PARD3: variants seen among roughly 807,000 people sequenced by gnomAD.
PARD3 encodes par-3 family cell polarity regulator.
PARD3 carries 75 observed loss-of-function variants against 155.4 expected under a neutral mutation model. The ratio of observed to expected loss-of-function variants is 0.48; its 90% CI spans 0.40 to 0.58. The LOEUF is 0.58. PARD3 is among the 20% of genes least tolerant of loss of function. The pLI is 0.00. For missense variants in PARD3, 1,642 were observed against 1,721.7 expected (o/e 0.95, Z 0.82); for synonymous variants, 576 against 610.5 (o/e 0.94, Z 0.83).
chr10:34,601,645 T>C (rs965467453), intron 2 of PARD3, among the ~76,000 whole-genome samples: 9 of 152,180 alleles, frequency 5.9e-5, no homozygotes, highest in South Asian at 2.1e-4. Context: ...TGAGAACCAT[T>C]CAAGCTTGCC....
At chr10:34,350,316 C>T (rs1837912710) in intron 14 of PARD3, among the ~76,000 whole-genome samples, 1 of 152,134 alleles carries the variant, frequency 6.6e-6, no homozygotes, top group South Asian at 2.1e-4. Context: ...CCTGCTATCA[C>T]CCCCTTGCAG....
At chr10:34,722,360 C>T (rs1212008888) in intron 1 of PARD3, among the ~76,000 whole-genome samples, 1 of 152,084 alleles carries the variant, frequency 6.6e-6, no homozygotes, top group African/African-American at 2.4e-5. Flanking sequence ...CAGTGGTTAT[C>T]GCCTGTACAG....
chr10:34,356,285 C>T (rs1348108344), intron 14 of PARD3, among the ~76,000 whole-genome samples: 1 of 152,150 alleles, frequency 6.6e-6, no homozygotes. Context: ...GGTGAGGTGG[C>T]TCATGCCTGA....
At chr10:34,717,515 C>T (rs1296342667) in intron 1 of PARD3, among the ~76,000 whole-genome samples, 1 of 152,180 alleles carries the variant, frequency 6.6e-6, no homozygotes, top group East Asian at 1.9e-4. Context: ...GTTCAAAGTT[C>T]TGTAGACACC....
chr10:34,469,324 G>A (rs922475412), intron 4 of PARD3, among the ~76,000 whole-genome samples: 9 of 152,202 alleles, frequency 5.9e-5, no homozygotes, highest in South Asian at 4.1e-4. Context: ...TTGGCCAGGC[G>A]GGCCTTGACC....
chr10:34,474,925 T>C (rs2078610837), intron 3 of PARD3, among the ~76,000 whole-genome samples: 1 of 152,168 alleles, frequency 6.6e-6, no homozygotes, highest in African/African-American at 2.4e-5. Flanking sequence ...AAACATATAT[T>C]GTAAGAGACA....
chr10:34,123,276 C>T (rs1424465926), intron 23 of PARD3, among the ~76,000 whole-genome samples: 2 of 150,438 alleles, frequency 1.3e-5, no homozygotes, highest in Admixed American at 6.6e-5. Flanking sequence ...TGTTTAAAAC[C>T]ACAAGTGAAA....
At chr10:34,767,871 C>T (rs1319024895) in intron 1 of PARD3, among the ~76,000 whole-genome samples, 1 of 151,830 alleles carries the variant, frequency 6.6e-6, no homozygotes, top group Non-Finnish European at 1.5e-5. Context: ...TGGCAGTGGG[C>T]CAAGATTGTG....
intron 2 of PARD3, among the ~76,000 whole-genome samples, chr10:34,525,716 G>C (rs949624464): frequency 9.2e-5 from 14 of 151,686 alleles, no homozygotes; most frequent in African/African-American, 3.4e-4. Context: ...TAGGGATTTT[G>C]CTTAAAAGAA....
rs1844690613 is a variant in PARD3 at position 34,814,749 on chromosome 10, C to A, written c.120+127G>T. 6.0e-6 allele frequency: 5 copies of A among 833,650 alleles called. No homozygotes were observed. The East Asian group carries it at 1.7e-4, about 28-fold the overall frequency. The allele number at this position is 833,650 out of a possible 1,614,324, so 51.6% of individuals were successfully genotyped here. On this transcript the variant is annotated intron_variant, in intron 1 of 24. Transcript: ENST00000374788. ...CCGGGGCGGGGGGCGCCCGCGAGGC[C>A]CGACCGGCCGCACTTTCCCTTTCCC...
chr10:34,633,947 G>T (rs936771637), intron 2 of PARD3, among the ~76,000 whole-genome samples: 1 of 152,162 alleles, frequency 6.6e-6, no homozygotes, highest in Non-Finnish European at 1.5e-5. Context: ...TAAGTAGAAG[G>T]CCATTAGCGT....
chr10:34,500,846 G>A (rs757017663), intron 3 of PARD3, among the ~76,000 whole-genome samples: 1 of 152,154 alleles, frequency 6.6e-6, no homozygotes, highest in African/African-American at 2.4e-5. Context: ...GAAGGAAAGA[G>A]GAGAGCTTGA....
At chr10:34,806,853 TGCACAGCTCAGGGAACTG>T (rs1564638571) in intron 1 of PARD3, among the ~76,000 whole-genome samples, 14 of 152,192 alleles carry the variant, frequency 9.2e-5, no homozygotes, top group Non-Finnish European at 1.8e-4. Flanking sequence ...CAGGAGTCCC[TGCACAGCTCAGGGAACTG>T]GCAGTGGGAG....
intron 4 of PARD3, among the ~76,000 whole-genome samples, chr10:34,451,558 G>T (rs1243539729): frequency 1.3e-5 from 2 of 152,078 alleles, no homozygotes; most frequent in Non-Finnish European, 2.9e-5. Flanking sequence ...GATACTATTT[G>T]CTCTTCCTTC....
chr10:34,804,583 T>C (rs1843144669), intron 1 of PARD3, among the ~76,000 whole-genome samples: 1 of 152,268 alleles, frequency 6.6e-6, no homozygotes. Context: ...ATTATTCACA[T>C]ATGGTTTTGC....
At chr10:34,120,004 ATTTTT>A (rs1185067110) in intron 23 of PARD3, among the ~76,000 whole-genome samples, 104 of 73,818 alleles carry the variant, frequency 1.4e-3, no homozygotes, top group African/African-American at 5.7e-3. Context: ...GTCTTCTTTA[ATTTTT>A]TTTTTTTTTT....
At chr10:34,436,070 G>A (rs564267369) in intron 5 of PARD3, among the ~76,000 whole-genome samples, 25 of 152,238 alleles carry the variant, frequency 1.6e-4, no homozygotes, top group African/African-American at 3.9e-4. Flanking sequence ...AATCAAATAC[G>A]AAATTTAGAA....
chr10:34,714,468 G>C (rs1024870575), intron 1 of PARD3, among the ~76,000 whole-genome samples: 1 of 152,144 alleles, frequency 6.6e-6, no homozygotes, highest in Non-Finnish European at 1.5e-5. Context: ...CCCACACTGC[G>C]TGGGGTCCAA....
At chr10:34,640,417 A>T (rs1380934933) in intron 2 of PARD3, among the ~76,000 whole-genome samples, 1 of 152,070 alleles carries the variant, frequency 6.6e-6, no homozygotes, top group Non-Finnish European at 1.5e-5. Context: ...AGGAGTTTGA[A>T]ATCAGCCTGT....
Sources: allele counts gnomAD v4.1 joint callset (sites outside exome capture counted in the v4.1 genomes callset), GRCh38; gene constraint gnomAD v4.1.1; transcripts MANE v1.5; gene names NCBI Gene and HGNC (gene_info 2026-07-23, HGNC 2026-07-21).